The following RORA variants were observed in gnomAD, a reference collection of about 807,000 sequenced individuals.
RORA encodes nuclear receptor ROR-alpha.
In RORA, 7 loss-of-function variants were observed where a neutral mutation model predicts 69.5. The ratio of observed to expected loss-of-function variants is 0.10; its 90% CI spans 0.06 to 0.19. The LOEUF (loss-of-function observed/expected upper bound fraction) is 0.19. Among genes scored for constraint, RORA ranks in the 10% least tolerant of loss-of-function variants. RORA has a pLI of 1.00. For synonymous variants in RORA, 261 were observed against 240.8 expected (o/e 1.08, Z -0.78); for missense variants, 457 against 663.0 (o/e 0.69, Z 3.41).
At chr15:60,837,982 A>G (rs946620644) in intron 1 of RORA, among the ~76,000 whole-genome samples, 1 of 149,992 alleles carries the variant, frequency 6.7e-6, no homozygotes, top group Non-Finnish European at 1.5e-5. Flanking sequence ...ATACTTGAGA[A>G]GGGGCTTTTA....
In RORA at chr15:60,620,398, G is replaced by A. The variant is rs147201741; in HGVS notation, c.196+58259C>T. Among the ~76,000 whole-genome samples the A allele has an allele frequency of 4.0e-3, 616 of 152,254 alleles. 2 individuals are homozygous for A. The highest frequency in any genetic ancestry group is 0.014 in the African/African-American group (591 of 41,548). On this transcript the variant is annotated intron_variant, in intron 2 of 10. Transcript: ENST00000335670. Reference sequence around the variant, plus strand: ...CATAATAGAACCTACTTCATAGGCCGTCATGAGGATCAAATGAGTTCTTAT... The same window carrying A: ...CATAATAGAACCTACTTCATAGGCCATCATGAGGATCAAATGAGTTCTTAT...
intron 1 of RORA, among the ~76,000 whole-genome samples, chr15:60,802,412 C>T (rs1000572873): frequency 1.3e-5 from 2 of 152,150 alleles, no homozygotes; most frequent in African/African-American, 4.8e-5. Flanking sequence ...AGGCTCATTT[C>T]ATTTGTTCAT....
At chr15:60,669,150 A>G (rs1034827908) in intron 2 of RORA, among the ~76,000 whole-genome samples, 1 of 152,202 alleles carries the variant, frequency 6.6e-6, no homozygotes, top group Non-Finnish European at 1.5e-5. Flanking sequence ...CGCAAAATTC[A>G]AAGTGCTTAT....
intron 1 of RORA, among the ~76,000 whole-genome samples, chr15:60,998,322 C>T (rs374500306): frequency 5.3e-5 from 8 of 151,952 alleles, no homozygotes; most frequent in South Asian, 2.1e-4. Context: ...TAATACCACA[C>T]CTGGCTGACT....
chr15:61,146,531 A>G (rs918681509), intron 1 of RORA, among the ~76,000 whole-genome samples: 32 of 152,184 alleles, frequency 2.1e-4, no homozygotes, highest in African/African-American at 7.5e-4. Flanking sequence ...GATGCAGTTC[A>G]GCAACAGTTA....
rs560839755 is a variant in RORA at position 61,128,013 on chromosome 15, A to G, written c.166+101040T>C. 6.6e-6 allele frequency among the ~76,000 whole-genome samples: 1 copy of G among 152,360 alleles called. No individual in the cohort carries two copies. Among genetic ancestry groups the G allele is most frequent in the East Asian group, 1.9e-4 (1 of 5,192 alleles). On this transcript the variant is annotated intron_variant, in intron 1 of 10. Coordinates refer to ENST00000335670, the MANE Select transcript of RORA (RefSeq NM_134261.3). This position sits in a 1 kb window ranked among gnomAD's most constrained non-coding sequence, Gnocchi z 4.5. ...ATTAATCTACCTAATTATGCAGTCC[A>G]GTAGAAGAGGCTTACCCATAGGATT...
At chr15:61,188,920 A>G (rs886291248) in intron 1 of RORA, among the ~76,000 whole-genome samples, 20 of 152,206 alleles carry the variant, frequency 1.3e-4, no homozygotes, top group African/African-American at 4.6e-4. Context: ...CCCACTTTCA[A>G]TATTAAGAAC....
At chr15:60,877,551 A>C (rs2073631888) in intron 1 of RORA, among the ~76,000 whole-genome samples, 1 of 152,084 alleles carries the variant, frequency 6.6e-6, no homozygotes, top group African/African-American at 2.4e-5. Context: ...AATGGCTGTT[A>C]TTATTTTTAA....
chr15:61,081,189 A>G (rs901815284), intron 1 of RORA, among the ~76,000 whole-genome samples: 7 of 152,188 alleles, frequency 4.6e-5, no homozygotes, highest in Non-Finnish European at 8.8e-5. Flanking sequence ...GATGTTTTCT[A>G]AAGGCCTGAG....
Position 60,778,863 on chromosome 15 carries a change from T to G in RORA, c.167-100177A>C, listed in dbSNP as rs985819487. Among the ~76,000 whole-genome samples the G allele has an allele frequency of 2.0e-5, 3 of 152,336 alleles. No homozygotes were observed. In the East Asian group the frequency reaches 5.8e-4, roughly 29 times the overall value. On this transcript the variant is annotated intron_variant, in intron 1 of 10. Transcript: ENST00000335670. ...AATTTGCATTAATCTGATTACATTT[T>G]ATCTTCCTTCAGGGTGAGGGAGTGG...
intron 1 of RORA, among the ~76,000 whole-genome samples, chr15:60,807,497 T>C (rs1380686622): frequency 1.3e-5 from 2 of 152,174 alleles, no homozygotes; most frequent in African/African-American, 4.8e-5. Context: ...ATGACCATAC[T>C]GCCAAAAGCA....
intron 2 of RORA, among the ~76,000 whole-genome samples, chr15:60,577,308 G>T (rs1255502486): frequency 6.6e-6 from 1 of 152,128 alleles, no homozygotes; most frequent in African/African-American, 2.4e-5. Flanking sequence ...TAGAGCAAGA[G>T]CTCTCAAACT....
At chr15:61,145,697 T>A (rs945091165) in intron 1 of RORA, among the ~76,000 whole-genome samples, 5 of 152,168 alleles carry the variant, frequency 3.3e-5, no homozygotes, top group African/African-American at 1.2e-4. Flanking sequence ...CATAACCCTT[T>A]TCCTAAAAGA....
intron 2 of RORA, among the ~76,000 whole-genome samples, chr15:60,535,447 C>CAAG (rs2066645604): frequency 6.6e-6 from 1 of 152,222 alleles, no homozygotes; most frequent in African/African-American, 2.4e-5. Context: ...AATGCAGTTT[C>CAAG]AAGGAGCTGA....
At chr15:60,908,677 G>C (rs1267573043) in intron 1 of RORA, among the ~76,000 whole-genome samples, 1 of 151,934 alleles carries the variant, frequency 6.6e-6, no homozygotes, top group African/African-American at 2.4e-5. Flanking sequence ...TTCTACAGTG[G>C]TCTCTCTCCC....
chr15:60,760,341 A>G (rs999749516), intron 1 of RORA, among the ~76,000 whole-genome samples: 2 of 152,178 alleles, frequency 1.3e-5, no homozygotes, highest in Non-Finnish European at 2.9e-5. Flanking sequence ...CGAAGAAAGG[A>G]TTCCCTTAGT....
In RORA at chr15:60,739,013, C is replaced by G. The variant is rs962451392; in HGVS notation, c.167-60327G>C. On this transcript the variant is annotated intron_variant, in intron 1 of 10. Transcript: ENST00000335670. ...AGGGGCCCACCCTACTCCATGATGACCTCATTTTAACTTAACTAATTGCTC... is the reference window on the plus strand; with the variant it reads ...AGGGGCCCACCCTACTCCATGATGAGCTCATTTTAACTTAACTAATTGCTC... Among the ~76,000 whole-genome samples, 7 of 152,194 alleles carry G rather than the reference C, an allele frequency of 4.6e-5. 1 individual carries two copies. In the East Asian group the frequency reaches 1.3e-3, roughly 29 times the overall value.
At chr15:61,060,764 C>T (rs780420769) in intron 1 of RORA, among the ~76,000 whole-genome samples, 1 of 152,118 alleles carries the variant, frequency 6.6e-6, no homozygotes, top group Admixed American at 6.5e-5. Context: ...TCCAATCTTT[C>T]GGCTTCCCTG....
rs1250104420 is a variant in RORA, at chr15:60,534,621, A to G, written c.197-2770T>C. Among the ~76,000 whole-genome samples, 1 of 152,140 alleles carries G rather than the reference A, an allele frequency of 6.6e-6. No homozygotes were observed. On this transcript the variant is annotated intron_variant, in intron 2 of 10. Transcript: ENST00000335670. The surrounding 1 kb of genome is among the most constrained non-coding windows in gnomAD (Gnocchi z 5.0). ...TAAGGTGGTAGAAGGGTTTCTGGAT[A>G]GCAAGTTGAGGTATTCTGATTGGTT...
Sources: gnomAD v4.1 joint callset for allele counts (sites outside exome capture counted in the v4.1 genomes callset) on GRCh38, gnomAD v4.1.1 for gene constraint, Gnocchi (gnomAD v3.1) non-coding constraint, MANE v1.5 for transcripts, NCBI Gene and HGNC (gene_info 2026-07-23, HGNC 2026-07-21) for gene names.